The following KCNC4 variants were observed in gnomAD, a reference collection of about 807,000 sequenced individuals.
KCNC4 encodes the protein potassium voltage-gated channel subfamily C member 4.
Under a neutral mutation model 42.8 loss-of-function variants are expected in KCNC4, and 23 were observed. The observed-to-expected ratio is 0.54, with a 90% CI of 0.39 to 0.76. The LOEUF (loss-of-function observed/expected upper bound fraction) is 0.76. Among genes scored for constraint, KCNC4 ranks in the 30% least tolerant of loss-of-function variants. The pLI is 0.00. For synonymous variants in KCNC4, 422 were observed against 393.5 expected, an observed-to-expected ratio of 1.07 and a Z score of -0.86; for missense variants, 751 against 898.2, an observed-to-expected ratio of 0.84 and a Z score of 2.10.
At chr1:110,249,653 C>T (rs990602994), downstream of KCNC4, among the ~76,000 whole-genome samples, 3 of 152,186 alleles carry the variant, frequency 2.0e-5, no homozygotes, top group Non-Finnish European at 4.4e-5. Context: ...TTAGAAGTGT[C>T]ACTGCTCTTG....
intron 1 of KCNC4, among the ~76,000 whole-genome samples, chr1:110,216,999 CA>C (rs1657829461): frequency 6.6e-6 from 1 of 152,130 alleles, no homozygotes; most frequent in Admixed American, 6.5e-5. Flanking sequence ...GGAGAGAGAG[CA>C]GGGGGTCACC....
At chr1:110,226,914 G>C (rs61784497) in intron 3 of KCNC4, among the ~76,000 whole-genome samples, 1 of 152,218 alleles carries the variant, frequency 6.6e-6, no homozygotes, top group Non-Finnish European at 1.5e-5. Context: ...TGGAGCTAGG[G>C]ATTCCTGGCC....
chr1:110,279,023 G>A (rs1659774768), intron 1 of KCNC4, among the ~76,000 whole-genome samples: 1 of 152,112 alleles, frequency 6.6e-6, no homozygotes, highest in South Asian at 2.1e-4. Context: ...GGGTGGGGAA[G>A]CTCTTCATCA....
chr1:110,217,971 C>T (rs1657889616), intron 1 of KCNC4, among the ~76,000 whole-genome samples: 1 of 152,218 alleles, frequency 6.6e-6, no homozygotes, highest in African/African-American at 2.4e-5. Flanking sequence ...CAGTCCCTCA[C>T]CCCATCCCCA....
intron 2 of KCNC4, chr1:110,224,123 C>T (rs1658267835): frequency 1.8e-6 from 1 of 561,684 alleles, no homozygotes. Flanking sequence ...GAGTATTCCA[C>T]CCAGGGTAGG....
intron 1 of KCNC4, among the ~76,000 whole-genome samples, chr1:110,261,170 C>G (rs1018874284): frequency 1.4e-5 from 2 of 146,484 alleles, no homozygotes; most frequent in African/African-American, 5.1e-5. Context: ...TTTAACATTT[C>G]ATTAAATCTA....
At chr1:110,215,090 C>T (rs568539545) in intron 1 of KCNC4, among the ~76,000 whole-genome samples, 7 of 152,386 alleles carry the variant, frequency 4.6e-5, no homozygotes, top group African/African-American at 9.6e-5. Context: ...TGCCCTGAGG[C>T]GTCCTTTCGC....
At chr1:110,228,990 G>A (rs1203392361) in intron 3 of KCNC4, 4 of 152,238 alleles carry the variant, frequency 2.6e-5, no homozygotes, top group East Asian at 3.9e-4. Flanking sequence ...CCTTCCTCTC[G>A]GGGTCCCACC....
chr1:110,250,010 A>G (rs1331774482), downstream of KCNC4, among the ~76,000 whole-genome samples: 1 of 152,228 alleles, frequency 6.6e-6, no homozygotes, highest in African/African-American at 2.4e-5. Flanking sequence ...TGAAGCTGTT[A>G]TCAGCGAACA....
intron 2 of KCNC4, chr1:110,224,752 C>G (rs774213221): frequency 5.9e-5 from 9 of 152,246 alleles, no homozygotes; most frequent in Admixed American, 2.0e-4. Context: ...ATGTGAACTT[C>G]GGTTGGAGAG....
In KCNC4 at chr1:110,223,510, C is replaced by T. The variant is rs779859089; in HGVS notation, c.1225C>T (p.Pro409Ser). Reference protein sequence around the residue: ...IYYAERIGARPSDPRGNDHTD... With the variant: ...IYYAERIGARSSDPRGNDHTD... ...CTACGCTGAGCGCATTGGGGCCAGG[C>T]CCTCCGACCCTCGGGGTAATGACCA... Residue 409 changes from proline (P) to serine (S), a missense_variant, in exon 2 of 4, where the codon CCC becomes TCC. By Grantham distance (74) the Pro-to-Ser change is moderately conservative. Coordinates refer to ENST00000438661, the MANE Select transcript of KCNC4 (RefSeq NM_001039574.3). The surrounding 1 kb of genome is among the most constrained non-coding windows in gnomAD (Gnocchi z 7.5). 6.2e-7 allele frequency: 1 copy of T among 1,613,824 alleles called. No homozygotes were observed. The highest frequency in any genetic ancestry group is 8.5e-7 in the Non-Finnish European group (1 of 1,180,050).
intron 2 of KCNC4, chr1:110,282,854 G>C (rs1304684600): frequency 6.6e-6 from 1 of 152,174 alleles, no homozygotes; most frequent in African/African-American, 2.4e-5. Context: ...TAAAAAACTG[G>C]GAGACATGAC....
At chr1:110,265,189 C>G (rs1659516302) in intron 1 of KCNC4, among the ~76,000 whole-genome samples, 1 of 151,612 alleles carries the variant, frequency 6.6e-6, no homozygotes, top group Non-Finnish European at 1.5e-5. Context: ...TTCTTTTACC[C>G]TGTCCCTTCC....
chr1:110,266,470 C>T (rs1369065736), intron 1 of KCNC4, among the ~76,000 whole-genome samples: 2 of 152,164 alleles, frequency 1.3e-5, no homozygotes, highest in Non-Finnish European at 2.9e-5. Context: ...TTGTTGGTAA[C>T]CCTCACTGAG....
chr1:110,249,580 C>T (rs527680361), downstream of KCNC4, among the ~76,000 whole-genome samples: 1 of 152,130 alleles, frequency 6.6e-6, no homozygotes, highest in Non-Finnish European at 1.5e-5. Flanking sequence ...ATCAATCCCC[C>T]CTCTGGGAGT....
At chr1:110,261,964 G>GA (rs1398210920) in intron 1 of KCNC4, among the ~76,000 whole-genome samples, 2 of 152,046 alleles carry the variant, frequency 1.3e-5, no homozygotes, top group Non-Finnish European at 1.5e-5. Context: ...ACATGCTAAG[G>GA]AAAAAACATT....
intron 1 of KCNC4, among the ~76,000 whole-genome samples, chr1:110,271,322 C>CT (rs1479192212): frequency 6.6e-6 from 1 of 152,190 alleles, no homozygotes; most frequent in Non-Finnish European, 1.5e-5. Flanking sequence ...CAAATTCCCT[C>CT]TTTATACAGG....
At chr1:110,256,122 T>G (rs569719050) in intron 1 of KCNC4, among the ~76,000 whole-genome samples, 1 of 152,268 alleles carries the variant, frequency 6.6e-6, no homozygotes, top group African/African-American at 2.4e-5. Context: ...GACCATCTTA[T>G]CCTATTCTTG....
At chr1:110,238,082 G>C (rs986914789), downstream of KCNC4, 2 of 152,232 alleles carry the variant, frequency 1.3e-5, no homozygotes, top group East Asian at 1.9e-4. Context: ...CCAGCTTTAG[G>C]GGGTGAGGAG....
Sources: allele counts gnomAD v4.1 joint callset (sites outside exome capture counted in the v4.1 genomes callset), GRCh38; gene constraint gnomAD v4.1.1; non-coding constraint Gnocchi (gnomAD v3.1); transcripts MANE v1.5; gene names NCBI Gene and HGNC (gene_info 2026-07-23, HGNC 2026-07-21).